The following ASRGL1 variants were observed in gnomAD, a reference collection of about 807,000 sequenced individuals.
ASRGL1 encodes isoaspartyl peptidase/L-asparaginase.
In ASRGL1, 16 loss-of-function variants were observed where a neutral mutation model predicts 22.4. The ratio of observed to expected loss-of-function variants is 0.71; its 90% CI spans 0.48 to 1.08. ASRGL1 has a LOEUF of 1.08. ASRGL1 is among the 50% of genes least tolerant of loss of function. The probability of loss-of-function intolerance (pLI) is 0.00; values close to 1 mark genes in which losing one functional copy is unlikely to be tolerated. For missense variants in ASRGL1, 412 were observed against 410.1 expected (o/e 1.00, Z -0.04); for synonymous variants, 165 against 159.3 (o/e 1.04, Z -0.27).
chr11:62,348,211 C>G (rs1005839088), intron 2 of ASRGL1, among the ~76,000 whole-genome samples: 12 of 152,124 alleles, frequency 7.9e-5, no homozygotes, highest in Non-Finnish European at 1.2e-4. Flanking sequence ...GTTTTTCTTG[C>G]CTGCTACACA....
intron 4 of ASRGL1, chr11:62,371,507 AG>A: frequency 1.5e-6 from 1 of 681,126 alleles, no homozygotes; most frequent in Non-Finnish European, 2.7e-6. Context: ...GCTTGAAGGC[AG>A]TATGCTTGGT....
At chr11:62,338,710 T>C (rs1945788508) in intron 2 of ASRGL1, among the ~76,000 whole-genome samples, 1 of 149,506 alleles carries the variant, frequency 6.7e-6, no homozygotes, top group Admixed American at 6.7e-5. Flanking sequence ...CCAAGGCGGG[T>C]GGATCACCTG....
chr11:62,343,377 CA>C (rs35798082), intron 2 of ASRGL1, among the ~76,000 whole-genome samples: 4,293 of 86,322 alleles, frequency 0.05, 79 homozygotes, highest in Middle Eastern at 0.11. Flanking sequence ...GACCCTGTCT[CA>C]AAAAAAAAAA....
At chr11:62,338,620 G>A (rs932175564) in intron 2 of ASRGL1, among the ~76,000 whole-genome samples, 2 of 152,074 alleles carry the variant, frequency 1.3e-5, no homozygotes, top group African/African-American at 4.8e-5. Flanking sequence ...GATTATATAA[G>A]GACTTGTGGC....
At chr11:62,357,707 A>G (rs1354269822) in intron 4 of ASRGL1, among the ~76,000 whole-genome samples, 3 of 152,160 alleles carry the variant, frequency 2.0e-5, no homozygotes, top group Non-Finnish European at 4.4e-5. Flanking sequence ...TAGTTTAGAG[A>G]AATCAGCACA....
At chr11:62,364,281 G>A (rs1401140168) in intron 4 of ASRGL1, among the ~76,000 whole-genome samples, 1 of 151,996 alleles carries the variant, frequency 6.6e-6, no homozygotes. Context: ...GTGTATGTGT[G>A]TGTGTTTGCC....
At chr11:62,340,250 A>G (rs1249369022) in intron 2 of ASRGL1, among the ~76,000 whole-genome samples, 1 of 152,194 alleles carries the variant, frequency 6.6e-6, no homozygotes, top group Non-Finnish European at 1.5e-5. Flanking sequence ...AGCCTGGGTG[A>G]CAGAGTGAGA....
chr11:62,358,106 C>T (rs1474137125), intron 4 of ASRGL1, among the ~76,000 whole-genome samples: 1 of 152,212 alleles, frequency 6.6e-6, no homozygotes, highest in Non-Finnish European at 1.5e-5. Context: ...CGGTGGCTCA[C>T]ACCTGTAATC....
downstream of ASRGL1, among the ~76,000 whole-genome samples, chr11:62,395,046 G>GCC: frequency 6.6e-6 from 1 of 152,332 alleles, no homozygotes; most frequent in South Asian, 2.1e-4. Context: ...CCAAAGGGAA[G>GCC]GTACTCTATC....
intron 2 of ASRGL1, among the ~76,000 whole-genome samples, chr11:62,348,660 GC>G (rs1002189520): frequency 1.1e-4 from 17 of 151,432 alleles, no homozygotes; most frequent in African/African-American, 3.6e-4. Context: ...CCAAGATCGC[GC>G]CACTGCACTC....
At chr11:62,376,209 T>A (rs1487647577) in intron 4 of ASRGL1, among the ~76,000 whole-genome samples, 1 of 151,006 alleles carries the variant, frequency 6.6e-6, no homozygotes, top group Non-Finnish European at 1.5e-5. Context: ...TGTGCCAGCT[T>A]CTTTAATTGT....
chr11:62,397,129 A>G (rs905341674), downstream of ASRGL1, among the ~76,000 whole-genome samples: 1 of 152,154 alleles, frequency 6.6e-6, no homozygotes, highest in Non-Finnish European at 1.5e-5. Flanking sequence ...TCCTGGGTTC[A>G]AGCGATTCTC....
chr11:62,395,210 A>G (rs1947417059), downstream of ASRGL1, among the ~76,000 whole-genome samples: 1 of 152,186 alleles, frequency 6.6e-6, no homozygotes, highest in Non-Finnish European at 1.5e-5. Flanking sequence ...CCAGATCAAC[A>G]GTGGAAGCTC....
intron 2 of ASRGL1, among the ~76,000 whole-genome samples, chr11:62,343,377 C>CAA (rs35798082): frequency 0.31 from 26,869 of 85,878 alleles, 3,931 homozygotes; most frequent in South Asian, 0.37. Flanking sequence ...GACCCTGTCT[C>CAA]AAAAAAAAAA....
At position 62,378,030 on chromosome 11, in the gene ASRGL1, A is replaced by G. The variant is rs572717891; in HGVS notation, c.492-11103A>G. 2.1e-4 allele frequency among the ~76,000 whole-genome samples: 32 copies of G among 152,252 alleles called. No individual in the cohort carries two copies. In the South Asian group the frequency reaches 5.8e-3, roughly 28 times the overall value. On this transcript the variant is annotated intron_variant, in intron 4 of 6. Transcript: ENST00000415229. ...CCTCTGGAGTGAATATTCTTTTACT[A>G]TTTAAATCTGGGTCTCCTCTTAAGA...
downstream of ASRGL1, among the ~76,000 whole-genome samples, chr11:62,395,662 C>T (rs1947423522): frequency 6.6e-6 from 1 of 151,266 alleles, no homozygotes; most frequent in East Asian, 1.9e-4. Context: ...GGAAGGGACA[C>T]TCGTTCTTCC....
At chr11:62,389,362 T>C (rs1293582702) in intron 5 of ASRGL1, 111 bp downstream of exon 5, 2 of 1,046,418 alleles carry the variant, frequency 1.9e-6, no homozygotes, top group Non-Finnish European at 2.9e-6. Context: ...CTTTCTGCTT[T>C]TGGTGCAGCT....
chr11:62,349,007 C>T (rs1041735133), intron 2 of ASRGL1, among the ~76,000 whole-genome samples: 5 of 151,722 alleles, frequency 3.3e-5, no homozygotes, highest in Admixed American at 6.6e-5. Flanking sequence ...CTCACTCTGT[C>T]GCCCAGGCTG....
In ASRGL1 at chr11:62,391,635, A is replaced by C; in HGVS notation, c.721+3A>C. The C allele has an allele frequency of 1.2e-6, 2 of 1,602,896 alleles. No homozygotes were observed. The highest frequency in any genetic ancestry group is 1.7e-6 in the Non-Finnish European group (2 of 1,174,434). On this transcript the variant is annotated splice_donor_region_variant and intron_variant, in intron 6 of 6. Transcript: ENST00000415229. ...CACCCTGTTCCACATAGAACAAGGT[A>C]CACAGACCACAGGACAAGTAAAATA...
Sources: allele counts gnomAD v4.1 joint callset (sites outside exome capture counted in the v4.1 genomes callset), GRCh38; gene constraint gnomAD v4.1.1; transcripts MANE v1.5; gene names NCBI Gene and HGNC (gene_info 2026-07-23, HGNC 2026-07-21).